The following TCAF1 variants were observed in gnomAD, a reference collection of about 807,000 sequenced individuals.
TCAF1 encodes the protein TRPM8 channel-associated factor 1.
A neutral mutation model predicts 27.3 loss-of-function variants in TCAF1; 4 were observed. The observed-to-expected ratio is 0.15, with a 90% CI of 0.07 to 0.34. The LOEUF is 0.34. Among genes scored for constraint, TCAF1 ranks in the 10% least tolerant of loss-of-function variants. The pLI is 1.00. For missense variants in TCAF1, 257 were observed against 425.8 expected (o/e 0.60, Z 3.49); for synonymous variants, 105 against 167.1 (o/e 0.63, Z 2.87).
chr7:143,900,781 CAGT>C (rs567340542), intron 1 of TCAF1, among the ~76,000 whole-genome samples: 96 of 152,172 alleles, frequency 6.3e-4, no homozygotes, highest in African/African-American at 2.2e-3. Context: ...TGTCCATCAG[CAGT>C]AGAATGGATA....
chr7:143,879,098 C>T (rs754739871), intron 1 of TCAF1, among the ~76,000 whole-genome samples: 12 of 152,192 alleles, frequency 7.9e-5, no homozygotes, highest in East Asian at 1.9e-4. Context: ...GTCTGCCAGG[C>T]GCCCTTGGAC....
chr7:143,882,539 A>G (rs1023765131), intron 1 of TCAF1: 144 of 985,296 alleles, frequency 1.5e-4, no homozygotes, highest in Non-Finnish European at 1.7e-4. Context: ...AATCACCAGC[A>G]GAAATACGGA....
chr7:143,885,014 G>C, intron 1 of TCAF1: 8 of 985,368 alleles, frequency 8.1e-6, no homozygotes, highest in Non-Finnish European at 9.6e-6. Flanking sequence ...CAAAACCCAA[G>C]GGGGTCCCAG....
rs114435011 is a variant in TCAF1 at position 143,885,620 on chromosome 7, T to C, written c.-14-8998A>G. 2.8e-4 allele frequency: 262 copies of C among 930,006 alleles called. 1 individual carries two copies. The African/African-American group carries it at 4.4e-3, about 16-fold the overall frequency. The allele number at this position is 930,006 out of a possible 1,614,324, so 57.6% of individuals were successfully genotyped here. A position where few individuals can be genotyped will look rare whatever the true frequency, so the allele number is the denominator to read the frequency against. ...TAATGATGATCTCTGTGTAAAATAA[T>C]ATACAACTATTTCCAAGGATGGGTT... On this transcript the variant is annotated intron_variant, in intron 1 of 8. Coordinates refer to ENST00000479870, the MANE Select transcript of TCAF1 (RefSeq NM_014719.3).
chr7:143,891,375 T>C (rs1813628202), intron 1 of TCAF1, among the ~76,000 whole-genome samples: 1 of 152,052 alleles, frequency 6.6e-6, no homozygotes, highest in Non-Finnish European at 1.5e-5. Flanking sequence ...CTGTGATTCA[T>C]ACGTTAAGAA....
intron 1 of TCAF1, among the ~76,000 whole-genome samples, chr7:143,876,903 CAA>C (rs1445793665): frequency 6.6e-6 from 1 of 152,056 alleles, no homozygotes; most frequent in Non-Finnish European, 1.5e-5. Flanking sequence ...TTGTGTCCCC[CAA>C]AGAGATATTT....
rs116385277 is a variant in TCAF1, at chr7:143,875,775, A to C, written c.620+214T>G. ...TAGCCACCATTAAGTTCAAATTATCAAAGAGCTAAATGGTCTGGTTTGGGA... is the reference window on the plus strand; with the variant it reads ...TAGCCACCATTAAGTTCAAATTATCCAAGAGCTAAATGGTCTGGTTTGGGA... On this transcript the variant is annotated intron_variant, in intron 2 of 8. Transcript: ENST00000479870. Among the ~76,000 whole-genome samples, 1,205 of 152,302 alleles carry C rather than the reference A, an allele frequency of 7.9e-3. 18 individuals are homozygous for C. The highest frequency in any genetic ancestry group is 0.026 in the African/African-American group (1,096 of 41,552).
intron 1 of TCAF1, chr7:143,882,837 G>A (rs1297400325): frequency 1.0e-6 from 1 of 985,636 alleles, no homozygotes; most frequent in Non-Finnish European, 1.2e-6. Context: ...GTGACTGGGC[G>A]ACCGAGCCGG....
At chr7:143,890,168 T>A (rs941008177) in intron 1 of TCAF1, among the ~76,000 whole-genome samples, 10 of 151,982 alleles carry the variant, frequency 6.6e-5, no homozygotes, top group Admixed American at 2.0e-4. Flanking sequence ...TATTTTATTT[T>A]ATTTTTTGTA....
chr7:143,859,945 AAT>A (rs1388957055), intron 6 of TCAF1, among the ~76,000 whole-genome samples: 10 of 65,484 alleles, frequency 1.5e-4, no homozygotes, highest in Non-Finnish European at 2.3e-4. Flanking sequence ...TATATTATAT[AAT>A]ATATATTACG....
In TCAF1 at chr7:143,889,165, G is replaced by A. The variant is rs555242279; in HGVS notation, c.-14-12543C>T. ...ATGGAAAATATGAAAAAGGATAGAC[G>A]ATATAGAGCATATAGTGAGAAGACC... On this transcript the variant is annotated intron_variant, in intron 1 of 8. Coordinates refer to ENST00000479870, the MANE Select transcript of TCAF1 (RefSeq NM_014719.3). 1.6e-4 allele frequency among the ~76,000 whole-genome samples: 24 copies of A among 152,174 alleles called. No individual in the cohort carries two copies. The South Asian group carries it at 4.1e-3, about 26-fold the overall frequency.
intron 1 of TCAF1, chr7:143,882,393 G>A: frequency 1.0e-6 from 1 of 985,348 alleles, no homozygotes; most frequent in Non-Finnish European, 1.2e-6. Context: ...ACAAAGCAGC[G>A]GATTAGACGC....
At chr7:143,859,931 AATAT>A (rs1319009462) in intron 6 of TCAF1, among the ~76,000 whole-genome samples, 1 of 89,422 alleles carries the variant, frequency 1.1e-5, no homozygotes, top group Non-Finnish European at 2.1e-5. Context: ...TATATTATAT[AATAT>A]ATATTATATA....
At chr7:143,871,202 A>T (rs377765902) in intron 2 of TCAF1, among the ~76,000 whole-genome samples, 2 of 85,870 alleles carry the variant, frequency 2.3e-5, no homozygotes, top group African/African-American at 4.1e-5. Context: ...GAAATGGCTG[A>T]ATCCAGGTTT....
chr7:143,886,034 T>C (rs540287886), intron 1 of TCAF1, among the ~76,000 whole-genome samples: 57 of 152,364 alleles, frequency 3.7e-4, no homozygotes, highest in Non-Finnish European at 7.5e-4. Context: ...TTCTGATCCA[T>C]GTTATTTGAG....
rs1263112114 is a variant in TCAF1 at position 143,868,453 on chromosome 7, A to AT, written c.621-4658dup. ...ATAGCTTTACTGTAGATATTTTAGG[A>AT]TTTTTTTTTACATAGATGATCATGC... On this transcript the variant is annotated intron_variant, in intron 2 of 8. Transcript: ENST00000479870. Among the ~76,000 whole-genome samples, 173 of 139,216 alleles carry AT rather than the reference A, an allele frequency of 1.2e-3. 6 individuals carry two copies. The highest frequency in any genetic ancestry group is 3.5e-3 in the African/African-American group (132 of 38,066). The allele number at this position is 139,216 out of a possible 152,430, so 91.3% of individuals were successfully genotyped here.
chr7:143,859,913 ACGG>A lies in TCAF1; in HGVS notation c.2167+292_2167+294del, dbSNP rs1230068235. ...TAATATATATTATATAATATATATTACGGAATATATATTATATAATATATATTA... is the reference window on the plus strand; with the variant it reads ...TAATATATATTATATAATATATATTAAATATATATTATATAATATATATTA... On this transcript the variant is annotated intron_variant, in intron 6 of 8. Coordinates refer to ENST00000479870, the MANE Select transcript of TCAF1 (RefSeq NM_014719.3). Among the ~76,000 whole-genome samples the A allele has an allele frequency of 1.8e-4, 7 of 38,636 alleles. 1 individual carries two copies. The highest frequency in any genetic ancestry group is 1.6e-3 in the South Asian group (2 of 1,232). The allele number at this position is 38,636 out of a possible 152,430, so 25.3% of individuals were successfully genotyped here.
At chr7:143,888,098 C>A (rs1318848649) in intron 1 of TCAF1, among the ~76,000 whole-genome samples, 1 of 152,132 alleles carries the variant, frequency 6.6e-6, no homozygotes, top group African/African-American at 2.4e-5. Context: ...ATGCAAATAT[C>A]TAACTTTAAT....
intron 1 of TCAF1, chr7:143,882,844 C>A: frequency 1.0e-6 from 1 of 985,592 alleles, no homozygotes; most frequent in Non-Finnish European, 1.2e-6. Flanking sequence ...GGCGACCGAG[C>A]CGGGATTTGG....
Sources: gnomAD v4.1 joint callset for allele counts (sites outside exome capture counted in the v4.1 genomes callset) on GRCh38, gnomAD v4.1.1 for gene constraint, MANE v1.5 for transcripts, NCBI Gene and HGNC (gene_info 2026-07-23, HGNC 2026-07-21) for gene names.